HEMK2: variants seen among roughly 807,000 people sequenced by gnomAD.
HEMK2 encodes the protein methyltransferase HEMK2.
At chr21:28,584,093 C>T in the HEMK2 span, among the ~76,000 whole-genome samples, 1 of 152,132 alleles carries the variant, frequency 6.6e-6, no homozygotes, top group South Asian at 2.1e-4. Context: ...AAAAACTCAC[C>T]TTAAAGTAGA....
At chr21:28,670,149 C>A in the HEMK2 span, among the ~76,000 whole-genome samples, 1 of 151,742 alleles carries the variant, frequency 6.6e-6, no homozygotes, top group African/African-American at 2.4e-5. Flanking sequence ...GGTGGAAATA[C>A]TCTGCAATGG....
At chr21:28,600,780 T>A in the HEMK2 span, among the ~76,000 whole-genome samples, 1 of 152,240 alleles carries the variant, frequency 6.6e-6, no homozygotes, top group African/African-American at 2.4e-5. Flanking sequence ...GTTTTGCTGC[T>A]TAGAAATTTC....
At chr21:28,819,385 T>G in the HEMK2 span, among the ~76,000 whole-genome samples, 2 of 151,964 alleles carry the variant, frequency 1.3e-5, no homozygotes, top group African/African-American at 4.8e-5. Context: ...TCTTTTAACT[T>G]TTTTTTATTT....
the HEMK2 span, among the ~76,000 whole-genome samples, chr21:28,864,878 GTAGA>G: frequency 3.1e-4 from 19 of 60,916 alleles, no homozygotes; most frequent in South Asian, 7.2e-4. Context: ...TGGATGATAG[GTAGA>G]TATAGATGAT....
the HEMK2 span, among the ~76,000 whole-genome samples, chr21:28,877,129 AAAG>A: frequency 9.6e-5 from 10 of 103,992 alleles, no homozygotes; most frequent in African/African-American, 3.0e-4. Context: ...AGGAAGAAAA[AAAG>A]AGAAGAGAAG....
At chr21:28,582,881 GGTT>G in the HEMK2 span, among the ~76,000 whole-genome samples, 28 of 152,128 alleles carry the variant, frequency 1.8e-4, no homozygotes, top group Non-Finnish European at 3.4e-4. Context: ...TATGAATCCT[GGTT>G]GTTATCTGAA....
chr21:28,797,096 T>G, the HEMK2 span, among the ~76,000 whole-genome samples: 2 of 152,192 alleles, frequency 1.3e-5, no homozygotes, highest in Non-Finnish European at 2.9e-5. Context: ...AAGGAATTGG[T>G]AAACTGCCTT....
the HEMK2 span, among the ~76,000 whole-genome samples, chr21:28,667,108 TAA>T: frequency 3.3e-5 from 5 of 152,248 alleles, no homozygotes; most frequent in African/African-American, 1.2e-4. Context: ...TTATTAGAAA[TAA>T]AGATAATATA....
chr21:28,633,222 G>A, the HEMK2 span, among the ~76,000 whole-genome samples: 1 of 152,140 alleles, frequency 6.6e-6, no homozygotes, highest in African/African-American at 2.4e-5. Context: ...CAGAGGTTAG[G>A]AATGCAGTCC....
the HEMK2 span, among the ~76,000 whole-genome samples, chr21:28,857,015 A>C: frequency 6.8e-4 from 103 of 152,258 alleles, no homozygotes; most frequent in African/African-American, 2.5e-3. Context: ...CTCCCACAGC[A>C]CCTCACAAGT....
At chr21:28,602,913 A>G in the HEMK2 span, among the ~76,000 whole-genome samples, 1 of 152,202 alleles carries the variant, frequency 6.6e-6, no homozygotes, top group South Asian at 2.1e-4. Flanking sequence ...ACCTCCTTGT[A>G]TCCCTTTTGC....
the HEMK2 span, chr21:28,885,187 G>T: frequency 6.5e-7 from 1 of 1,535,092 alleles, no homozygotes; most frequent in Non-Finnish European, 8.9e-7. Flanking sequence ...ACCCTTTCCC[G>T]TCAGAGCCCC....
the HEMK2 span, among the ~76,000 whole-genome samples, chr21:28,647,321 TAAA>T: frequency 0.014 from 662 of 46,408 alleles, 5 homozygotes; most frequent in African/African-American, 0.057. Flanking sequence ...CCATCTCTAC[TAAA>T]AAAAAAAAAA....
chr21:28,770,826 T>G, the HEMK2 span, among the ~76,000 whole-genome samples: 2 of 152,072 alleles, frequency 1.3e-5, no homozygotes, highest in Non-Finnish European at 2.9e-5. Context: ...TCTGTGGTAT[T>G]CTCTCATAGC....
the HEMK2 span, chr21:28,882,213 G>A: frequency 1.2e-6 from 2 of 1,607,476 alleles, no homozygotes; most frequent in Non-Finnish European, 1.7e-6. Context: ...GCTGTCTCTA[G>A]GGTACAAGCT....
At chr21:28,742,334 A>C in the HEMK2 span, among the ~76,000 whole-genome samples, 3 of 152,232 alleles carry the variant, frequency 2.0e-5, no homozygotes. Flanking sequence ...CTCGGTCTTA[A>C]AGCAACCCTA....
At chr21:28,768,900 G>T in the HEMK2 span, among the ~76,000 whole-genome samples, 2 of 151,918 alleles carry the variant, frequency 1.3e-5, no homozygotes, top group Non-Finnish European at 2.9e-5. Context: ...CACCAGGGGT[G>T]AGCATGCACA....
At chr21:28,595,307 C>T in the HEMK2 span, among the ~76,000 whole-genome samples, 1 of 151,990 alleles carries the variant, frequency 6.6e-6, no homozygotes, top group Non-Finnish European at 1.5e-5. Context: ...ACCGCCCCCA[C>T]ATCCCCCTAG....
the HEMK2 span, among the ~76,000 whole-genome samples, chr21:28,597,497 GGTA>G: frequency 3.9e-5 from 6 of 152,142 alleles, no homozygotes; most frequent in Non-Finnish European, 8.8e-5. Context: ...TTCTTTTTCT[GGTA>G]GTTTTGAGGG....
Sources: allele counts gnomAD v4.1 joint callset (sites outside exome capture counted in the v4.1 genomes callset), GRCh38; gene constraint gnomAD v4.1.1; transcripts MANE v1.5; gene names NCBI Gene and HGNC (gene_info 2026-07-23, HGNC 2026-07-21).